PDE3B: variants seen among roughly 807,000 people sequenced by gnomAD.
PDE3B encodes the protein cGMP-inhibited 3',5'-cyclic phosphodiesterase 3B.
In PDE3B, 66 loss-of-function variants were observed where a neutral mutation model predicts 116.8. That is an observed-to-expected ratio of 0.56 (90% CI 0.46 to 0.69). PDE3B has a LOEUF of 0.69. Among genes scored for constraint, PDE3B ranks in the 30% least tolerant of loss-of-function variants. PDE3B has a pLI of 0.00. For synonymous variants in PDE3B, 595 were observed against 533.6 expected (o/e 1.12, Z -1.59); for missense variants, 1,384 against 1,368.1 (o/e 1.01, Z -0.18).
At chr11:14,725,333 C>T (rs11023317) in intron 1 of PDE3B, among the ~76,000 whole-genome samples, 14 of 133,514 alleles carry the variant, frequency 1.0e-4, no homozygotes, top group African/African-American at 4.4e-4. Context: ...CTTTCTTTTT[C>T]TTTCTTTCTT....
In PDE3B at chr11:14,644,395, G is replaced by C. The variant is rs368275679; in HGVS notation, c.320G>C (p.Trp107Ser). The change falls in exon 1 of 16, where the codon TGG becomes TCG. Residue 107 changes from tryptophan to serine, a missense_variant. By Grantham distance (177) the Trp-to-Ser change is radical. Transcript: ENST00000282096. Reference sequence around the variant, plus strand: ...GAGAGCTGGGCTGCCGGGGCCGCCTGGCTGCGGACGCTGCTGAGCGTGTGT... The same window carrying C: ...GAGAGCTGGGCTGCCGGGGCCGCCTCGCTGCGGACGCTGCTGAGCGTGTGT... ...EPESWAAGAAWLRTLLSVCSH... is the reference protein window; with the variant it reads ...EPESWAAGAASLRTLLSVCSH... The C allele has an allele frequency of 1.1e-5, 17 of 1,605,278 alleles. No individual in the cohort carries two copies. Among genetic ancestry groups the C allele is most frequent in the Admixed American group, 5.1e-5 (3 of 59,282 alleles).
chr11:14,690,450 G>A (rs951112311), intron 1 of PDE3B, among the ~76,000 whole-genome samples: 14 of 152,052 alleles, frequency 9.2e-5, no homozygotes, highest in African/African-American at 3.1e-4. Context: ...CAAAAGTTAT[G>A]CAAAAAATAT....
chr11:14,689,407 C>G (rs949242271), intron 1 of PDE3B, among the ~76,000 whole-genome samples: 2 of 151,854 alleles, frequency 1.3e-5, no homozygotes, highest in African/African-American at 4.8e-5. Flanking sequence ...TATTGAAGGC[C>G]TAATATATGT....
chr11:14,891,924 TGGCCAGCCCG>T, the PDE3B span: 25 of 1,575,494 alleles, frequency 1.6e-5, no homozygotes, highest in Non-Finnish European at 2.1e-5. Context: ...AGGAAGGCCC[TGGCCAGCCCG>T]GGCCAGCCTG....
chr11:14,786,813 G>A (rs1056336989), intron 3 of PDE3B, 128 bp downstream of exon 3: 8 of 693,890 alleles, frequency 1.2e-5, no homozygotes, highest in Non-Finnish European at 1.9e-5. Context: ...TGAGCTGCTT[G>A]GGATGTTAGA....
the PDE3B span, among the ~76,000 whole-genome samples, chr11:14,884,281 CA>C: frequency 6.6e-6 from 1 of 151,754 alleles, no homozygotes; most frequent in East Asian, 2.0e-4. Flanking sequence ...GGAACCAACC[CA>C]AAGGTCCAAA....
intron 1 of PDE3B, among the ~76,000 whole-genome samples, chr11:14,701,729 A>G (rs960161623): frequency 2.7e-5 from 4 of 150,940 alleles, no homozygotes; most frequent in South Asian, 2.1e-4. Flanking sequence ...TTTAAAATCT[A>G]TTTTTGGTAT....
chr11:14,745,013 C>T (rs1856872611), intron 1 of PDE3B, among the ~76,000 whole-genome samples: 1 of 151,918 alleles, frequency 6.6e-6, no homozygotes, highest in South Asian at 2.1e-4. Context: ...TTTATAGAGA[C>T]AGGGTCTCTC....
intron 12 of PDE3B, among the ~76,000 whole-genome samples, chr11:14,844,858 C>T: frequency 6.6e-6 from 1 of 152,242 alleles, no homozygotes. Context: ...TGGAGCCAAC[C>T]ACAGCCCAAG....
At chr11:14,708,752 T>TA (rs1491168945) in intron 1 of PDE3B, among the ~76,000 whole-genome samples, 1 of 151,844 alleles carries the variant, frequency 6.6e-6, no homozygotes, top group African/African-American at 2.4e-5. Flanking sequence ...CAACTTACTC[T>TA]AAAAAAGTTC....
chr11:14,669,874 AGT>A (rs1393938523), intron 1 of PDE3B, among the ~76,000 whole-genome samples: 3 of 152,134 alleles, frequency 2.0e-5, no homozygotes, highest in Non-Finnish European at 4.4e-5. Context: ...GATAGTTTGG[AGT>A]GTGTGCTTAA....
At position 14,848,932 on chromosome 11, in the gene PDE3B, A is replaced by G. The variant is rs577986747; in HGVS notation, c.2520+4906A>G. Among the ~76,000 whole-genome samples, 15 of 152,336 alleles carry G rather than the reference A, an allele frequency of 9.8e-5. No homozygotes were observed. In the East Asian group the frequency reaches 2.5e-3, roughly 25 times the overall value. ...CTGCCCAAGGTAATTTATAGATTCA[A>G]TGCCATCCCCATCAAGCTACCAATG... On this transcript the variant is annotated intron_variant, in intron 12 of 15. Transcript: ENST00000282096.
chr11:14,663,765 G>T (rs908536254), intron 1 of PDE3B, among the ~76,000 whole-genome samples: 11 of 152,094 alleles, frequency 7.2e-5, no homozygotes, highest in African/African-American at 1.9e-4. Flanking sequence ...CCCAGATTCA[G>T]AAAGCAAGTC....
chr11:14,846,385 A>G (rs61877637), intron 12 of PDE3B, among the ~76,000 whole-genome samples: 1 of 152,238 alleles, frequency 6.6e-6, no homozygotes, highest in Non-Finnish European at 1.5e-5. Flanking sequence ...CTGCAAAATC[A>G]TGCCAAATTG....
chr11:14,752,289 T>C (rs1857076222), intron 1 of PDE3B, among the ~76,000 whole-genome samples: 1 of 152,166 alleles, frequency 6.6e-6, no homozygotes, highest in Non-Finnish European at 1.5e-5. Context: ...TCAGACCTTT[T>C]CAGTTTCTGA....
intron 1 of PDE3B, among the ~76,000 whole-genome samples, chr11:14,723,983 ATAT>A (rs749779393): frequency 6.6e-6 from 1 of 152,196 alleles, no homozygotes; most frequent in Non-Finnish European, 1.5e-5. Flanking sequence ...TTTTTAACAG[ATAT>A]TATGTTAAGG....
At chr11:14,863,057 C>T (rs1375854184) in intron 14 of PDE3B, among the ~76,000 whole-genome samples, 1 of 151,872 alleles carries the variant, frequency 6.6e-6, no homozygotes, top group African/African-American at 2.4e-5. Context: ...CCTAACAGGC[C>T]CCCATGTGTG....
intron 13 of PDE3B, 133 bp downstream of exon 13, chr11:14,859,379 A>G (rs1171485490): frequency 3.9e-6 from 2 of 506,650 alleles, no homozygotes; most frequent in Admixed American, 3.9e-5. Context: ...ATAAAATAAT[A>G]TATATGCCTA....
intron 14 of PDE3B, among the ~76,000 whole-genome samples, chr11:14,862,642 C>T (rs576831590): frequency 4.6e-5 from 7 of 152,228 alleles, no homozygotes; most frequent in Non-Finnish European, 8.8e-5. Flanking sequence ...GGCGCGATCT[C>T]GGCTCACTGC....
Sources: allele counts gnomAD v4.1 joint callset (sites outside exome capture counted in the v4.1 genomes callset), GRCh38; gene constraint gnomAD v4.1.1; transcripts MANE v1.5; gene names NCBI Gene and HGNC (gene_info 2026-07-23, HGNC 2026-07-21).